The following CAND2 variants were observed in gnomAD, a reference collection of about 807,000 sequenced individuals.
CAND2 encodes cullin associated and neddylation dissociated 2 (putative).
Under a neutral mutation model 98.9 loss-of-function variants are expected in CAND2, and 62 were observed. The observed-to-expected ratio is 0.63, with a 90% CI of 0.51 to 0.77. CAND2 has a LOEUF of 0.77. Among genes scored for constraint, CAND2 ranks in the 30% least tolerant of loss-of-function variants. The pLI, the probability that CAND2 is intolerant of heterozygous loss-of-function variation, is 0.00. For synonymous variants in CAND2, 770 were observed against 731.9 expected, an observed-to-expected ratio of 1.05 and a Z score of -0.84; for missense variants, 1,501 against 1,655.2, an observed-to-expected ratio of 0.91 and a Z score of 1.62.
In CAND2 at chr3:12,816,607, C is replaced by G. The variant is rs574738317; in HGVS notation, c.1675C>G (p.Arg559Gly). 1 of 1,613,878 alleles carries G rather than the reference C, an allele frequency of 6.2e-7. No individual in the cohort carries two copies. Among genetic ancestry groups the G allele is most frequent in the Admixed American group, 1.7e-5 (1 of 60,028 alleles). Residue 559 changes from arginine to glycine, a missense_variant, in exon 10 of 15, where the codon CGG becomes GGG. Arg to Gly is a moderately radical substitution (Grantham distance 125, BLOSUM62 -2). This residue lies in a region of CAND2 where 1,427 missense variants were observed against 1,545.3 expected (regional missense o/e 0.92). Coordinates refer to ENST00000456430, the MANE Select transcript of CAND2 (RefSeq NM_001162499.2). Reference sequence around the variant, plus strand: ...GGCCCTGTGGCCGCTGCACAGGCCTCGGATGCTGGATCCTGAGCCATATGT... The same window carrying G: ...GGCCCTGTGGCCGCTGCACAGGCCTGGGATGCTGGATCCTGAGCCATATGT... ...VRALWPLHRP[R>G]MLDPEPYVGE...
chr3:12,803,243 C>T (rs1253365436), intron 1 of CAND2, among the ~76,000 whole-genome samples: 7 of 152,278 alleles, frequency 4.6e-5, no homozygotes, highest in East Asian at 1.9e-4. Flanking sequence ...CTGCCCACCT[C>T]GGCCTCCCAA....
At chr3:12,829,238 C>T (rs1007210994) in intron 13 of CAND2, among the ~76,000 whole-genome samples, 5 of 152,204 alleles carry the variant, frequency 3.3e-5, no homozygotes, top group Admixed American at 1.3e-4. Flanking sequence ...CTCCGCCTCC[C>T]GGGTTCAAGT....
At chr3:12,822,777 G>C (rs1414616182) in intron 11 of CAND2, among the ~76,000 whole-genome samples, 1 of 152,142 alleles carries the variant, frequency 6.6e-6, no homozygotes, top group Non-Finnish European at 1.5e-5. Flanking sequence ...TGTTGCTGTT[G>C]GGGCCTCATT....
intron 14 of CAND2, among the ~76,000 whole-genome samples, 183 bp from the exon 15 acceptor site, chr3:12,833,572 G>C (rs2062072872): frequency 6.6e-6 from 1 of 152,180 alleles, no homozygotes; most frequent in Non-Finnish European, 1.5e-5. Context: ...AAACTAGCCA[G>C]TGCAAAAGCC....
In CAND2 at chr3:12,813,293, G is replaced by T. The variant is rs368642719; in HGVS notation, c.911G>T (p.Cys304Phe). The T allele has an allele frequency of 1.2e-6, 2 of 1,614,016 alleles. No homozygotes were observed. Among genetic ancestry groups the T allele is most frequent in the Non-Finnish European group, 1.7e-6 (2 of 1,180,024 alleles). The change falls in exon 7 of 15, where the codon TGC (cysteine) becomes TTC (phenylalanine). Residue 304 changes from cysteine to phenylalanine, a missense_variant. Cys to Phe is a radical substitution (Grantham distance 205, BLOSUM62 -2). Around this residue, in one of 3 missense-constraint regions of CAND2, gnomAD observed 1,427 missense variants for 1,545.3 expected, o/e 0.92. Coordinates refer to ENST00000456430, the MANE Select transcript of CAND2 (RefSeq NM_001162499.2). ...CACGTGCCCAACGTGACCAGCCTCT[G>T]CCTCCAATACATAAAACACGACCCC... is the stretch of plus-strand genomic sequence containing the variant. ...GPHVPNVTSL[C>F]LQYIKHDPNY...
chr3:12,822,596 G>T (rs1395094997), intron 11 of CAND2, among the ~76,000 whole-genome samples: 1 of 152,108 alleles, frequency 6.6e-6, no homozygotes, highest in Non-Finnish European at 1.5e-5. Context: ...CCCGTGCCCA[G>T]CCTCCATCAT....
intron 2 of CAND2, 32 bp from the exon 3 acceptor site, chr3:12,807,274 C>T: frequency 6.5e-7 from 1 of 1,545,284 alleles, no homozygotes; most frequent in Non-Finnish European, 8.8e-7. Context: ...GAACCTTGTG[C>T]CCTTGGATTC....
Position 12,796,681 on chromosome 3 carries a change from T to C in CAND2, c.-40T>C, listed in dbSNP as rs769750111. ...GAGGGAGGGGGCGCCCGCGCCGCCA[T>C]ATTCCCTCCCGCCGGCCGGCTCCGC... is the stretch of plus-strand genomic sequence containing the variant. On this transcript the variant is annotated 5_prime_UTR_variant, in exon 1 of 15. Transcript: ENST00000456430. 29 of 1,547,592 alleles carry C rather than the reference T, an allele frequency of 1.9e-5. No individual in the cohort carries two copies. The highest frequency in any genetic ancestry group is 2.5e-5 in the Non-Finnish European group (29 of 1,142,552).
At chr3:12,829,170 G>T (rs1189663677) in intron 13 of CAND2, among the ~76,000 whole-genome samples, 1 of 152,172 alleles carries the variant, frequency 6.6e-6, no homozygotes, top group Non-Finnish European at 1.5e-5. Context: ...GTTTGAGATG[G>T]AGTCTCACTT....
At position 12,803,637 on chromosome 3, in the gene CAND2, T is replaced by C; in HGVS notation, c.212+6T>C. The C allele has an allele frequency of 6.3e-7, 1 of 1,594,854 alleles. No homozygotes were observed. Among genetic ancestry groups the C allele is most frequent in the Non-Finnish European group, 8.6e-7 (1 of 1,169,362 alleles). On this transcript the variant is annotated splice_donor_region_variant and intron_variant, in intron 2 of 14. Transcript: ENST00000456430. The stretch of plus-strand genomic sequence containing the variant: ...CAGAACCTGGCTGTCAAGTGGTGAG[T>C]GTCAGCCTCGGTGGAGCAGGAGAGG...
chr3:12,833,781 G>A lies in CAND2; in HGVS notation c.3510G>A (p.Glu1170=), dbSNP rs745526072. The change falls in exon 15 of 15, where the codon GAG becomes GAA. Residue 1170 remains glutamate (E), a synonymous_variant. Coordinates refer to ENST00000456430, the MANE Select transcript of CAND2 (RefSeq NM_001162499.2). The part of the protein sequence containing the change: ...AKVKAGSVKQ[E]FEKQDELKRS... ...TCAAAGCTGGTTCTGTGAAGCAGGA[G>A]TTTGAAAAGCAAGATGAACTGAAGC... The A allele has an allele frequency of 3.7e-6, 6 of 1,614,138 alleles. No homozygotes were observed. The Admixed American group carries it at 1.0e-4, about 27-fold the overall frequency.
At chr3:12,802,967 A>G (rs1306305405) in intron 1 of CAND2, among the ~76,000 whole-genome samples, 1 of 150,838 alleles carries the variant, frequency 6.6e-6, no homozygotes, top group East Asian at 1.9e-4. Context: ...GCATGCCTGT[A>G]TAGGGCAGCT....
rs1226772147 is a variant in CAND2, at chr3:12,815,752, T to A, written c.1300-115T>A. 9.8e-7 allele frequency: 1 copy of A among 1,021,740 alleles called. No individual in the cohort carries two copies. Among genetic ancestry groups the A allele is most frequent in the African/African-American group, 1.6e-5 (1 of 62,452 alleles). The allele number at this position is 1,021,740 out of a possible 1,614,324, so 63.3% of individuals were successfully genotyped here. On this transcript the variant is annotated intron_variant, in intron 8 of 14. Transcript: ENST00000456430. The surrounding 1 kb of genome is among the most constrained non-coding windows in gnomAD (Gnocchi z 5.7). ...GAGTGAGGGACGAGTGCTTGGGAGA[T>A]ATCTTGATGCCGACATCCTCCCTGG...
intron 1 of CAND2, among the ~76,000 whole-genome samples, chr3:12,799,432 T>C (rs2061750579): frequency 6.6e-6 from 1 of 152,168 alleles, no homozygotes; most frequent in Non-Finnish European, 1.5e-5. Context: ...ATACTTTTCC[T>C]TCTCTCTCCC....
chr3:12,810,434 G>C (rs912074204), intron 5 of CAND2, 110 bp downstream of exon 5: 35 of 1,140,880 alleles, frequency 3.1e-5, no homozygotes, highest in Non-Finnish European at 4.0e-5. Flanking sequence ...CAGGGCCTAA[G>C]GGTGGGCCGT....
rs1465093951 is a variant in CAND2 at position 12,815,384 on chromosome 3, T to C, written c.1250T>C (p.Met417Thr). ...CCCCCGAAGGGATGGCTGGAGGCCA[T>C]GGAGGAACCCACCCAGACCGGCAGC... ...TQPPKGWLEA[M>T]EEPTQTGSNL... The change falls in exon 8 of 15, where the codon ATG becomes ACG. Residue 417 changes from methionine to threonine, a missense_variant. By Grantham distance (81) the Met-to-Thr change is moderately conservative. This residue lies in a region of CAND2 where 1,427 missense variants were observed against 1,545.3 expected (regional missense o/e 0.92). Transcript: ENST00000456430. The surrounding 1 kb of genome is among the most constrained non-coding windows in gnomAD (Gnocchi z 5.7). 6.2e-7 allele frequency: 1 copy of C among 1,613,800 alleles called. No homozygotes were observed. The highest frequency in any genetic ancestry group is 1.1e-5 in the South Asian group (1 of 91,072).
intron 3 of CAND2, 61 bp from the exon 4 acceptor site, chr3:12,808,149 G>A (rs2061821620): frequency 6.5e-7 from 1 of 1,538,700 alleles, no homozygotes. Flanking sequence ...GCAGACTAGT[G>A]GTGGAGGCTG....
intron 13 of CAND2, among the ~76,000 whole-genome samples, chr3:12,830,133 TCCTGTCTG>T (rs1388279076): frequency 9.2e-5 from 14 of 152,156 alleles, no homozygotes; most frequent in African/African-American, 3.4e-4. Flanking sequence ...TTCCTGCACT[TCCTGTCTG>T]CCTGTCTCCC....
At position 12,831,592 on chromosome 3, in the gene CAND2, C is replaced by G. The variant is rs1220575356; in HGVS notation, c.3483+20C>G. ...GCCAAGGTAAGTCCCTGGCCCAGCC[C>G]TAGCCCAGGCCCTGGAGCACCTATG... is the stretch of plus-strand genomic sequence containing the variant. On this transcript the variant is annotated intron_variant, in intron 14 of 14. Transcript: ENST00000456430. The G allele has an allele frequency of 6.4e-7, 1 of 1,566,844 alleles. No individual in the cohort carries two copies.
Sources: gnomAD v4.1 joint callset for allele counts (sites outside exome capture counted in the v4.1 genomes callset) on GRCh38, gnomAD v4.1.1 for gene constraint, gnomAD v4.1.1 regional missense constraint, Gnocchi (gnomAD v3.1) non-coding constraint, MANE v1.5 for transcripts, NCBI Gene and HGNC (gene_info 2026-07-23, HGNC 2026-07-21) for gene names.